Variants in EBF2 observed in about 807,000 individuals in gnomAD.
The protein encoded by EBF2 is transcription factor COE2.
In EBF2, 21 loss-of-function variants were observed where a neutral mutation model predicts 72.8. The ratio of observed to expected loss-of-function variants is 0.29; its 90% CI spans 0.20 to 0.42. The LOEUF (loss-of-function observed/expected upper bound fraction) is 0.42, where lower values mean the gene tolerates loss of function less well. Among genes scored for constraint, EBF2 ranks in the 10% least tolerant of loss-of-function variants. EBF2 has a pLI of 1.00. For synonymous variants in EBF2, 299 were observed against 274.2 expected (o/e 1.09, Z -0.89); for missense variants, 637 against 731.2 (o/e 0.87, Z 1.49).
At chr8:25,863,896 A>G (rs1350453751) in intron 10 of EBF2, among the ~76,000 whole-genome samples, 3 of 152,314 alleles carry the variant, frequency 2.0e-5, no homozygotes, top group Non-Finnish European at 4.4e-5. Context: ...ACACTGTTAC[A>G]TAACCTACTT....
chr8:26,006,552 C>T (rs554736595), intron 6 of EBF2, among the ~76,000 whole-genome samples: 6 of 152,138 alleles, frequency 3.9e-5, no homozygotes, highest in Non-Finnish European at 7.4e-5. Context: ...CCTTATGACT[C>T]TATATTTAAA....
intron 6 of EBF2, among the ~76,000 whole-genome samples, chr8:26,023,650 A>C (rs1369979241): frequency 6.6e-6 from 1 of 152,176 alleles, no homozygotes; most frequent in Non-Finnish European, 1.5e-5. Flanking sequence ...CAGGCTACTA[A>C]AAAATTCACA....
intron 6 of EBF2, among the ~76,000 whole-genome samples, chr8:26,000,183 G>C (rs1804701691): frequency 6.6e-6 from 1 of 152,158 alleles, no homozygotes; most frequent in African/African-American, 2.4e-5. Context: ...AATTGGGAGA[G>C]ACCCAGCCTT....
chr8:25,967,199 T>A (rs1410067958), intron 6 of EBF2, among the ~76,000 whole-genome samples: 2 of 152,206 alleles, frequency 1.3e-5, no homozygotes, highest in Non-Finnish European at 2.9e-5. Flanking sequence ...AGATGAAATG[T>A]GTTTATTAAA....
Position 25,844,639 on chromosome 8 carries a change from G to A in EBF2, c.1698C>T (p.Ala566=). The change falls in exon 16 of 16, where the codon GCC becomes GCT. Residue 566 remains alanine, a splice_region_variant and synonymous_variant. Transcript: ENST00000520164. ...CSSGNGNGFR[A]MTGLVVPPM ...TCGGGGGTACAACAAGTCCGGTCAT[G>A]GCTGCAAGGAAAGAGTGGCACAGGA... The A allele has an allele frequency of 1.2e-6, 2 of 1,613,998 alleles. No individual in the cohort carries two copies. Among genetic ancestry groups the A allele is most frequent in the Non-Finnish European group, 1.7e-6 (2 of 1,179,894 alleles).
intron 6 of EBF2, among the ~76,000 whole-genome samples, chr8:25,938,751 G>T (rs1218423346): frequency 6.6e-6 from 1 of 152,082 alleles, no homozygotes; most frequent in Non-Finnish European, 1.5e-5. Context: ...TTCTAGTCTT[G>T]GCTCTGCTGA....
intron 6 of EBF2, among the ~76,000 whole-genome samples, chr8:25,926,151 G>A (rs1803382432): frequency 6.6e-6 from 1 of 152,074 alleles, no homozygotes; most frequent in African/African-American, 2.4e-5. Context: ...ACCAGGTGAG[G>A]GCTCTGTGTC....
intron 6 of EBF2, among the ~76,000 whole-genome samples, chr8:25,951,823 T>A (rs941719487): frequency 9.9e-5 from 15 of 152,206 alleles, no homozygotes; most frequent in Non-Finnish European, 1.6e-4. Flanking sequence ...AGCAGTGACT[T>A]CAAGACTGTA....
rs184262587 is a variant in EBF2, at chr8:25,842,199, A to G, written c.*2410T>C. 3 of 152,358 alleles carry G rather than the reference A, an allele frequency of 2.0e-5. No individual in the cohort carries two copies. Among genetic ancestry groups the G allele is most frequent in the Non-Finnish European group, 4.4e-5 (3 of 68,024 alleles). The allele number at this position is 152,358 out of a possible 1,614,324, so 9.4% of individuals were successfully genotyped here. On this transcript the variant is annotated 3_prime_UTR_variant, in exon 16 of 16. Transcript: ENST00000520164. ...TTGGGACTGGAATGATTGAATAGCA[A>G]TGACTAACGAGGACAGGGTAGCTTT... is the stretch of plus-strand genomic sequence containing the variant.
chr8:25,859,194 T>C (rs1802161027), intron 13 of EBF2, among the ~76,000 whole-genome samples: 1 of 152,228 alleles, frequency 6.6e-6, no homozygotes, highest in Admixed American at 6.5e-5. Context: ...GCAGATGTTA[T>C]GCACTGTAGC....
At chr8:25,964,107 C>T (rs1804077091) in intron 6 of EBF2, among the ~76,000 whole-genome samples, 1 of 152,128 alleles carries the variant, frequency 6.6e-6, no homozygotes, top group Admixed American at 6.5e-5. Flanking sequence ...GCATACCCCG[C>T]ACCTAAAGGT....
chr8:26,022,155 CTT>C (rs1248868606), intron 6 of EBF2, among the ~76,000 whole-genome samples: 1 of 152,176 alleles, frequency 6.6e-6, no homozygotes, highest in Non-Finnish European at 1.5e-5. Flanking sequence ...CACTGTTTCT[CTT>C]GTCCCTTTCC....
chr8:26,026,858 C>T (rs1805309119), intron 6 of EBF2, among the ~76,000 whole-genome samples: 1 of 152,150 alleles, frequency 6.6e-6, no homozygotes, highest in African/African-American at 2.4e-5. Flanking sequence ...GCTATGTGAC[C>T]TTGGCTGAGT....
At chr8:25,894,187 G>A (rs1802829745) in intron 7 of EBF2, among the ~76,000 whole-genome samples, 1 of 152,182 alleles carries the variant, frequency 6.6e-6, no homozygotes, top group Non-Finnish European at 1.5e-5. Flanking sequence ...TATACATAGA[G>A]ACACACACTT....
intron 6 of EBF2, among the ~76,000 whole-genome samples, chr8:26,010,786 TG>T (rs1232570813): frequency 6.6e-6 from 1 of 152,238 alleles, no homozygotes; most frequent in African/African-American, 2.4e-5. Context: ...GAACATTCCC[TG>T]ATGCCTGCAG....
chr8:25,853,497 T>TAAATAGAAAA (rs1802024417), intron 14 of EBF2, among the ~76,000 whole-genome samples: 1 of 151,618 alleles, frequency 6.6e-6, no homozygotes. Context: ...ACTCACTAAA[T>TAAATAGAAAA]AGAAAAACTT....
intron 6 of EBF2, among the ~76,000 whole-genome samples, chr8:25,913,075 A>G (rs1488165841): frequency 6.6e-6 from 1 of 152,194 alleles, no homozygotes; most frequent in Non-Finnish European, 1.5e-5. Flanking sequence ...TCCAGGATTT[A>G]TGGAAGAGGC....
chr8:25,890,888 TA>T, intron 7 of EBF2, among the ~76,000 whole-genome samples: 1 of 152,328 alleles, frequency 6.6e-6, no homozygotes, highest in African/African-American at 2.4e-5. Flanking sequence ...ACTCAACCTG[TA>T]ATACATATAA....
Position 25,858,312 on chromosome 8 carries a change from C to T in EBF2, c.1528+7G>A. The T allele has an allele frequency of 6.2e-7, 1 of 1,614,020 alleles. No individual in the cohort carries two copies. The highest frequency in any genetic ancestry group is 8.5e-7 in the Non-Finnish European group (1 of 1,179,946). On this transcript the variant is annotated splice_region_variant and intron_variant, in intron 14 of 15. Transcript: ENST00000520164. ...ATGGAGAGCCAAGTGATGGAGAGGTCACTTACTTCCATAAGGAGAGCCGGT... is the reference window on the plus strand; with the variant it reads ...ATGGAGAGCCAAGTGATGGAGAGGTTACTTACTTCCATAAGGAGAGCCGGT...
Sources: allele counts gnomAD v4.1 joint callset (sites outside exome capture counted in the v4.1 genomes callset), GRCh38; gene constraint gnomAD v4.1.1; transcripts MANE v1.5; gene names NCBI Gene and HGNC (gene_info 2026-07-23, HGNC 2026-07-21).